The following PPP6R3 variants were observed in gnomAD, a reference collection of about 807,000 sequenced individuals.
PPP6R3 encodes the protein serine/threonine-protein phosphatase 6 regulatory subunit 3.
Under a neutral mutation model 110.7 loss-of-function variants are expected in PPP6R3, and 38 were observed. The observed-to-expected ratio is 0.34, with a 90% CI of 0.26 to 0.45. The LOEUF is 0.45. Ranked by LOEUF, PPP6R3 falls within the 20% of genes least tolerant of loss-of-function variation. PPP6R3 has a pLI of 1.00. For synonymous variants in PPP6R3, 369 were observed against 373.5 expected (o/e 0.99, Z 0.14); for missense variants, 870 against 1,062.4 (o/e 0.82, Z 2.52).
chr11:68,519,795 G>C (rs917561128), intron 2 of PPP6R3, 144 bp downstream of exon 2: 8 of 390,888 alleles, frequency 2.0e-5, no homozygotes, highest in African/African-American at 1.4e-4. Flanking sequence ...CTGTGGTACT[G>C]TGGTATTTTT....
At chr11:68,588,725 G>A (rs977773433) in intron 16 of PPP6R3, among the ~76,000 whole-genome samples, 4 of 149,474 alleles carry the variant, frequency 2.7e-5, no homozygotes, top group African/African-American at 7.4e-5. Flanking sequence ...GATTACAGGC[G>A]TGAGTCACTG....
chr11:68,599,393 G>A (rs1416456367), intron 19 of PPP6R3, among the ~76,000 whole-genome samples: 2 of 152,192 alleles, frequency 1.3e-5, no homozygotes, highest in African/African-American at 4.8e-5. Context: ...CCCAAACTTG[G>A]CCAGCAGGCA....
At chr11:68,512,395 A>G (rs2099115306) in intron 1 of PPP6R3, among the ~76,000 whole-genome samples, 1 of 152,166 alleles carries the variant, frequency 6.6e-6, no homozygotes, top group South Asian at 2.1e-4. Context: ...ATGTTGGAAT[A>G]CCTAAAGATC....
chr11:68,542,216 C>T (rs1274168036), intron 3 of PPP6R3, among the ~76,000 whole-genome samples: 1 of 151,394 alleles, frequency 6.6e-6, no homozygotes, highest in East Asian at 2.0e-4. Flanking sequence ...GGGCCACTCC[C>T]CTGGAGCGAG....
intron 18 of PPP6R3, among the ~76,000 whole-genome samples, chr11:68,593,474 A>G (rs976947779): frequency 2.0e-5 from 3 of 152,212 alleles, no homozygotes; most frequent in African/African-American, 7.2e-5. Flanking sequence ...TTTGAGGCCT[A>G]TAATGTCACT....
At chr11:68,525,845 G>C (rs574762068) in intron 2 of PPP6R3, among the ~76,000 whole-genome samples, 1 of 152,278 alleles carries the variant, frequency 6.6e-6, no homozygotes, top group Non-Finnish European at 1.5e-5. Context: ...AATAATAAAT[G>C]ACCATTGTCA....
intron 18 of PPP6R3, among the ~76,000 whole-genome samples, chr11:68,594,221 C>T (rs2099604400): frequency 6.7e-6 from 1 of 149,410 alleles, no homozygotes; most frequent in Admixed American, 6.7e-5. Flanking sequence ...CTAATAACTG[C>T]ATTCTAGCCT....
intron 2 of PPP6R3, among the ~76,000 whole-genome samples, chr11:68,529,696 G>A (rs2099225766): frequency 1.3e-5 from 2 of 152,172 alleles, no homozygotes; most frequent in South Asian, 4.1e-4. Flanking sequence ...TCGTTTTCTT[G>A]TGATCTACTT....
chr11:68,510,050 C>T lies in PPP6R3; in HGVS notation c.-157-9451C>T, dbSNP rs548987278. ...GATTACAGGTGTGAGCTACTGTGCT[C>T]GGCCTTTTTTTTTTTTTTTTTTTTT... On this transcript the variant is annotated intron_variant, in intron 1 of 23. Coordinates refer to ENST00000393800, the MANE Select transcript of PPP6R3 (RefSeq NM_001164161.2). 7.9e-5 allele frequency among the ~76,000 whole-genome samples: 9 copies of T among 114,492 alleles called. No homozygotes were observed. The South Asian group carries it at 9.6e-4, about 12-fold the overall frequency. 75.1% of individuals were successfully genotyped at this position (114,492 alleles called of 152,430 possible).
rs185630403 is a variant in PPP6R3, at chr11:68,518,669, C to T, written c.-157-832C>T. 4.9e-3 allele frequency among the ~76,000 whole-genome samples: 744 copies of T among 152,240 alleles called. 6 individuals carry two copies. Among genetic ancestry groups the T allele is most frequent in the Non-Finnish European group, 7.4e-3 (502 of 68,002 alleles). ...AATTAAATATACTCGTTTTAATTTG[C>T]ACCGAGGCCTGTTACTGTTATTTTT... On this transcript the variant is annotated intron_variant, in intron 1 of 23. Transcript: ENST00000393800.
chr11:68,471,689 T>G (rs1427274821), intron 1 of PPP6R3, among the ~76,000 whole-genome samples: 1 of 152,118 alleles, frequency 6.6e-6, no homozygotes, highest in African/African-American at 2.4e-5. Context: ...GGTGTTGAGG[T>G]GGGAGAAACC....
At chr11:68,606,410 CCTCAACCTCCCAA>C (rs1479249877) in intron 22 of PPP6R3, among the ~76,000 whole-genome samples, 1 of 152,044 alleles carries the variant, frequency 6.6e-6, no homozygotes, top group Admixed American at 6.6e-5. Flanking sequence ...CATCCTCCCA[CCTCAACCTCCCAA>C]GTAACTGGGA....
intron 2 of PPP6R3, among the ~76,000 whole-genome samples, chr11:68,535,135 T>G (rs1184818270): frequency 2.0e-5 from 3 of 152,222 alleles, no homozygotes; most frequent in South Asian, 2.1e-4. Flanking sequence ...CCTTATTTCT[T>G]TAATATTTGT....
intron 7 of PPP6R3, among the ~76,000 whole-genome samples, chr11:68,555,363 C>G (rs115326453): frequency 0.055 from 8,448 of 152,318 alleles, 248 homozygotes; most frequent in Middle Eastern, 0.13. Flanking sequence ...TCAGCAGTTT[C>G]ATATGGCTCA....
At chr11:68,482,350 G>A (rs1337345951) in intron 1 of PPP6R3, among the ~76,000 whole-genome samples, 1 of 150,974 alleles carries the variant, frequency 6.6e-6, no homozygotes. Flanking sequence ...GGAGGCAGAG[G>A]TTGCAGTGAG....
At chr11:68,466,700 C>T (rs1231721424) in intron 1 of PPP6R3, among the ~76,000 whole-genome samples, 1 of 152,116 alleles carries the variant, frequency 6.6e-6, no homozygotes, top group Non-Finnish European at 1.5e-5. Context: ...GCAAGCTCCG[C>T]CTCCCAGGTT....
intron 4 of PPP6R3, among the ~76,000 whole-genome samples, chr11:68,545,598 C>A (rs564229779): frequency 6.6e-6 from 1 of 152,336 alleles, no homozygotes; most frequent in East Asian, 1.9e-4. Context: ...TCACTTGGTT[C>A]TCTAAGTGTG....
chr11:68,500,724 C>T (rs1165020161), intron 1 of PPP6R3, among the ~76,000 whole-genome samples: 2 of 152,212 alleles, frequency 1.3e-5, no homozygotes, highest in African/African-American at 4.8e-5. Flanking sequence ...GATCTGCCTG[C>T]CTTGGCCACC....
rs557342389 is a variant in PPP6R3, at chr11:68,468,729, A to G, written c.-158+7902A>G. 1.1e-4 allele frequency among the ~76,000 whole-genome samples: 17 copies of G among 152,352 alleles called. No individual in the cohort carries two copies. In the East Asian group the frequency reaches 1.9e-3, roughly 17 times the overall value. ...AATTTTCTTCCTCCAAATTTGGAGT[A>G]TGTTATATATGTTTTAATGTATATA... On this transcript the variant is annotated intron_variant, in intron 1 of 23. Transcript: ENST00000393800.
Sources: allele counts gnomAD v4.1 joint callset (sites outside exome capture counted in the v4.1 genomes callset), GRCh38; gene constraint gnomAD v4.1.1; transcripts MANE v1.5; gene names NCBI Gene and HGNC (gene_info 2026-07-23, HGNC 2026-07-21).